The following UHRF2 variants were observed in gnomAD, a reference collection of about 807,000 sequenced individuals.
UHRF2 encodes the protein E3 ubiquitin-protein ligase UHRF2.
Under a neutral mutation model 96.8 loss-of-function variants are expected in UHRF2, and 23 were observed. That is an observed-to-expected ratio of 0.24 (90% confidence interval 0.17 to 0.34). The LOEUF is 0.34. Ranked by LOEUF, UHRF2 falls within the 10% of genes least tolerant of loss-of-function variation. The pLI, the probability that UHRF2 is intolerant of heterozygous loss-of-function variation, is 1.00. For synonymous variants in UHRF2, 385 were observed against 332.6 expected (o/e 1.16, Z -1.72); for missense variants, 685 against 981.5 (o/e 0.70, Z 4.04).
rs544154916 is a variant in UHRF2 at position 6,477,550 on chromosome 9, C to G, written c.974-72C>G. On this transcript the variant is annotated intron_variant, in intron 5 of 15. Transcript: ENST00000276893. ...TCAAAAAAAATGCTGTTTCCATGGG[C>G]TTTTCTTTATGAGATTCATAGATAT... is the stretch of plus-strand genomic sequence containing the variant. 3.5e-4 allele frequency: 497 copies of G among 1,405,118 alleles called. 1 individual carries two copies. The African/African-American group carries it at 6.2e-3, about 17-fold the overall frequency. The allele number at this position is 1,405,118 out of a possible 1,614,324, so 87.0% of individuals were successfully genotyped here. A position where few individuals can be genotyped will look rare whatever the true frequency, so the allele number is the denominator to read the frequency against.
At chr9:6,479,300 C>G (rs1823782224) in intron 6 of UHRF2, among the ~76,000 whole-genome samples, 1 of 152,154 alleles carries the variant, frequency 6.6e-6, no homozygotes, top group Admixed American at 6.5e-5. Context: ...TATGTCTAAA[C>G]CTAAGGGTCA....
intron 3 of UHRF2, 87 bp downstream of exon 3, chr9:6,434,260 T>C: frequency 6.9e-7 from 1 of 1,443,918 alleles, no homozygotes; most frequent in East Asian, 2.3e-5. Context: ...TTAAATAGTC[T>C]TTCTGAAGAA....
chr9:6,491,870 C>T (rs763979048), intron 9 of UHRF2, among the ~76,000 whole-genome samples: 1 of 152,126 alleles, frequency 6.6e-6, no homozygotes, highest in African/African-American at 2.4e-5. Context: ...CAAATTTAGG[C>T]TGATTATTTT....
chr9:6,482,636 G>A (rs1587857779), intron 8 of UHRF2, among the ~76,000 whole-genome samples: 1 of 140,264 alleles, frequency 7.1e-6, no homozygotes, highest in East Asian at 2.2e-4. Flanking sequence ...TTGCTCTGTT[G>A]CCTAGGCTGG....
chr9:6,423,722 G>T (rs2130731890), intron 2 of UHRF2, among the ~76,000 whole-genome samples: 1 of 151,684 alleles, frequency 6.6e-6, no homozygotes, highest in South Asian at 2.1e-4. Flanking sequence ...GAGGCGGGTG[G>T]ATCATGAGGT....
rs78203125 is a variant in UHRF2, at chr9:6,465,578, AT to A, written c.863+4794del. On this transcript the variant is annotated intron_variant, in intron 4 of 15. Transcript: ENST00000276893. ...TAAATTTTAAAATCTGTTGTCATAA[AT>A]TTTTTTGGTACCTACATCTTTTTAA... Among the ~76,000 whole-genome samples, 109 of 152,234 alleles carry A rather than the reference AT, an allele frequency of 7.2e-4. 1 individual carries two copies. The East Asian group carries it at 0.019, about 26-fold the overall frequency.
chr9:6,467,054 T>C (rs1163657988), intron 4 of UHRF2, among the ~76,000 whole-genome samples: 1 of 152,224 alleles, frequency 6.6e-6, no homozygotes, highest in Non-Finnish European at 1.5e-5. Context: ...ACAAACATAG[T>C]AGCTTAAACA....
At chr9:6,414,351 A>C (rs1563734670) in intron 1 of UHRF2, among the ~76,000 whole-genome samples, 1 of 152,198 alleles carries the variant, frequency 6.6e-6, no homozygotes, top group East Asian at 1.9e-4. Context: ...TTTATTCCCG[A>C]AGTGAAAAGG....
intron 9 of UHRF2, among the ~76,000 whole-genome samples, chr9:6,493,068 C>CG (rs1360096073): frequency 1.3e-5 from 2 of 151,984 alleles, no homozygotes; most frequent in Admixed American, 1.3e-4. Flanking sequence ...GAGGCCAAGG[C>CG]GGGTGGATCA....
intron 3 of UHRF2, among the ~76,000 whole-genome samples, chr9:6,444,849 G>A (rs902582169): frequency 2.0e-4 from 30 of 152,248 alleles, no homozygotes; most frequent in Non-Finnish European, 2.8e-4. Context: ...TGATTGACCT[G>A]CCCCGGCCTC....
At chr9:6,484,579 T>TG (rs1252681507) in intron 8 of UHRF2, 2 of 146,538 alleles carry the variant, frequency 1.4e-5, no homozygotes, top group Non-Finnish European at 3.0e-5. Flanking sequence ...ATTTTTGTGT[T>TG]TTTTTTTTTT....
At chr9:6,491,596 G>A (rs1824663837) in intron 9 of UHRF2, among the ~76,000 whole-genome samples, 2 of 152,224 alleles carry the variant, frequency 1.3e-5, no homozygotes, top group African/African-American at 2.4e-5. Flanking sequence ...GGAGGAGGCT[G>A]AGAAGTTTGG....
intron 4 of UHRF2, among the ~76,000 whole-genome samples, chr9:6,462,326 A>C (rs1228307841): frequency 6.9e-6 from 1 of 145,698 alleles, no homozygotes; most frequent in Non-Finnish European, 1.5e-5. Flanking sequence ...CTGAGATTTA[A>C]AAAAAAAAAA....
intron 2 of UHRF2, among the ~76,000 whole-genome samples, chr9:6,427,650 A>G (rs1820333141): frequency 6.6e-6 from 1 of 152,090 alleles, no homozygotes; most frequent in Non-Finnish European, 1.5e-5. Context: ...GCGCCACTGC[A>G]CTCCTGCCTG....
At chr9:6,502,629 TCTG>T (rs1359639547) in intron 14 of UHRF2, among the ~76,000 whole-genome samples, 2 of 152,372 alleles carry the variant, frequency 1.3e-5, no homozygotes, top group East Asian at 3.9e-4. Flanking sequence ...GTTTGTTTAC[TCTG>T]CTGTAGGAAC....
intron 2 of UHRF2, among the ~76,000 whole-genome samples, chr9:6,430,994 T>G (rs1327703066): frequency 6.6e-6 from 1 of 152,234 alleles, no homozygotes; most frequent in Non-Finnish European, 1.5e-5. Flanking sequence ...ATTTTGCTAC[T>G]CCTTTAGCTA....
intron 4 of UHRF2, among the ~76,000 whole-genome samples, chr9:6,464,434 G>A (rs1318099255): frequency 6.6e-6 from 1 of 152,078 alleles, no homozygotes; most frequent in African/African-American, 2.4e-5. Flanking sequence ...TTTTAATGCA[G>A]TTGAGGTTAT....
chr9:6,490,073 C>A (rs1169976173), intron 9 of UHRF2, among the ~76,000 whole-genome samples: 1 of 152,060 alleles, frequency 6.6e-6, no homozygotes, highest in Non-Finnish European at 1.5e-5. Flanking sequence ...TTTTTGAAGG[C>A]TTTATAAATA....
chr9:6,499,996 G>T, intron 13 of UHRF2, 65 bp downstream of exon 13: 1 of 1,267,886 alleles, frequency 7.9e-7, no homozygotes. Flanking sequence ...TGTTGAGACG[G>T]GGTCTCACTC....
Sources: gnomAD v4.1 joint callset for allele counts (sites outside exome capture counted in the v4.1 genomes callset) on GRCh38, gnomAD v4.1.1 for gene constraint, MANE v1.5 for transcripts, NCBI Gene and HGNC (gene_info 2026-07-23, HGNC 2026-07-21) for gene names.